AKR1C2: variants seen among roughly 807,000 people sequenced by gnomAD.
AKR1C2 encodes 3-alpha-HSD3.
In AKR1C2, 27 loss-of-function variants were observed where a neutral mutation model predicts 39.8. The ratio of observed to expected loss-of-function variants is 0.68; its 90% CI spans 0.50 to 0.93. AKR1C2 has a LOEUF of 0.93. Among genes scored for constraint, AKR1C2 ranks in the 40% least tolerant of loss-of-function variants. The pLI is 0.00. For missense variants in AKR1C2, 263 were observed against 365.1 expected, an observed-to-expected ratio of 0.72 and a Z score of 2.28; for synonymous variants, 114 against 137.9, an observed-to-expected ratio of 0.83 and a Z score of 1.22.
upstream of AKR1C2, chr10:5,003,938 T>A: frequency 2.5e-6 from 2 of 806,278 alleles, no homozygotes; most frequent in Non-Finnish European, 4.0e-6. Context: ...GGTTAACCAA[T>A]GGCATGTGAG....
At chr10:4,990,288 A>C (rs1414137019) in intron 8 of AKR1C2, among the ~76,000 whole-genome samples, 1 of 152,244 alleles carries the variant, frequency 6.6e-6, no homozygotes, top group African/African-American at 2.4e-5. Flanking sequence ...TGAAATGTTC[A>C]AACATGTTTC....
At chr10:5,004,037 T>A (rs1206804957), upstream of AKR1C2, 1 of 524,000 alleles carries the variant, frequency 1.9e-6, no homozygotes, top group Non-Finnish European at 3.4e-6. Flanking sequence ...ATAAGTAAAT[T>A]ATTATGTGGT....
rs181612116 is a variant in AKR1C2, at chr10:5,011,294, A to G, written c.-88+6606T>C. ...TTCTGTCTCCCACTGGTGGAGACTCAGAAGGCTGGGAGGCTGGGAAATTAT... is the reference window on the plus strand; with the variant it reads ...TTCTGTCTCCCACTGGTGGAGACTCGGAAGGCTGGGAGGCTGGGAAATTAT... On this transcript the variant is annotated intron_variant, in intron 1 of 6. Transcript: ENST00000604507. Among the ~76,000 whole-genome samples the G allele has an allele frequency of 5.3e-5, 8 of 152,332 alleles. No individual in the cohort carries two copies. The East Asian group carries it at 1.5e-3, about 29-fold the overall frequency.
upstream of AKR1C2, among the ~76,000 whole-genome samples, chr10:5,005,131 G>A (rs1472341840): frequency 6.6e-6 from 1 of 152,102 alleles, no homozygotes; most frequent in South Asian, 2.1e-4. Context: ...AGCTATTGAG[G>A]AGAAACTGGG....
chr10:5,001,727 G>C (rs1554773865), intron 1 of AKR1C2, 46 bp from the exon 2 acceptor site: 1 of 1,610,524 alleles, frequency 6.2e-7, no homozygotes, highest in Non-Finnish European at 8.5e-7. Flanking sequence ...ATGTGCCTGA[G>C]AGTTAGTTCG....
At chr10:5,012,663 C>A (rs1554775014) in intron 1 of AKR1C2, among the ~76,000 whole-genome samples, 4 of 152,116 alleles carry the variant, frequency 2.6e-5, no homozygotes. Context: ...CTGACTTTAG[C>A]CTGTTGAACG....
chr10:4,993,285 C>G (rs1258449183), intron 7 of AKR1C2, among the ~76,000 whole-genome samples: 1 of 152,104 alleles, frequency 6.6e-6, no homozygotes, highest in South Asian at 2.1e-4. Flanking sequence ...AACATTATAG[C>G]ACAGAAAAGT....
At position 5,000,573 on chromosome 10, in the gene AKR1C2, T is replaced by C; in HGVS notation, c.346A>G (p.Ile116Val). 6.2e-7 allele frequency: 1 copy of C among 1,613,996 alleles called. No homozygotes were observed. Among genetic ancestry groups the C allele is most frequent in the Non-Finnish European group, 8.5e-7 (1 of 1,179,914 alleles). ...LQLDYVDLYL[I>V]HFPVSVKPGE... ...ACCTTTACAGACACTGGAAAATGAA[T>C]AAGATAGAGGTCAACATAGTCCAAT... is the stretch of plus-strand genomic sequence containing the variant. Residue 116 changes from isoleucine to valine, a missense_variant, in exon 3 of 9, where the codon ATT becomes GTT. Around this residue, in one of 3 missense-constraint regions of AKR1C2, gnomAD observed 247 missense variants for 267.9 expected, o/e 0.92. Coordinates refer to ENST00000380753, the MANE Select transcript of AKR1C2 (RefSeq NM_001393392.1).
rs556361177 is a variant in AKR1C2 at position 5,009,490 on chromosome 10, A to G, written c.-87-5568T>C. Among the ~76,000 whole-genome samples, 36 of 152,060 alleles carry G rather than the reference A, an allele frequency of 2.4e-4. 1 individual carries two copies. The South Asian group carries it at 6.7e-3, about 28-fold the overall frequency. ...AGGTTGTAAAGAGAAAAGTATTAAT[A>G]TTATAGTTGTTTTGGTTAGCATAAA... On this transcript the variant is annotated intron_variant, in intron 1 of 6. Transcript: ENST00000604507.
chr10:5,012,185 C>G (rs1837537511), intron 1 of AKR1C2, among the ~76,000 whole-genome samples: 1 of 151,670 alleles, frequency 6.6e-6, no homozygotes, highest in African/African-American at 2.4e-5. Flanking sequence ...TTTTCAGGAC[C>G]TAGTGGCTAG....
At chr10:5,012,721 T>A (rs1269096398) in intron 1 of AKR1C2, among the ~76,000 whole-genome samples, 2 of 152,212 alleles carry the variant, frequency 1.3e-5, no homozygotes, top group African/African-American at 4.8e-5. Context: ...TTAATTATGG[T>A]GCTTCAGGCC....
rs1323013231 is a variant in AKR1C2, at chr10:4,988,880, A to G, written c.*1116T>C. Reference sequence around the variant, plus strand: ...ATGTATAAGAATTAAATGCCTTTGTAAGAGTTCTTCTTAAAATTTACCAAA... The same window carrying G: ...ATGTATAAGAATTAAATGCCTTTGTGAGAGTTCTTCTTAAAATTTACCAAA... On this transcript the variant is annotated 3_prime_UTR_variant, in exon 9 of 9. Coordinates refer to ENST00000380753, the MANE Select transcript of AKR1C2 (RefSeq NM_001393392.1). 6.6e-6 allele frequency: 1 copy of G among 152,048 alleles called. No homozygotes were observed. The highest frequency in any genetic ancestry group is 2.4e-5 in the African/African-American group (1 of 41,376). The allele number at this position is 152,048 out of a possible 1,614,324, so 9.4% of individuals were successfully genotyped here. A position where few individuals can be genotyped will look rare whatever the true frequency, so the allele number is the denominator to read the frequency against.
upstream of AKR1C2, among the ~76,000 whole-genome samples, chr10:5,004,257 TTCTC>T (rs1373783648): frequency 6.6e-6 from 1 of 152,222 alleles, no homozygotes; most frequent in Non-Finnish European, 1.5e-5. Flanking sequence ...ATTTTCATTT[TTCTC>T]TCTCTCACAC....
intron 1 of AKR1C2, chr10:5,015,081 C>T (rs1251295322): frequency 6.6e-6 from 1 of 152,198 alleles, no homozygotes; most frequent in Admixed American, 6.5e-5. Context: ...AGTCTCCACC[C>T]TGGAGGGCTG....
intron 1 of AKR1C2, among the ~76,000 whole-genome samples, chr10:5,016,265 T>G (rs1363944473): frequency 1.3e-5 from 2 of 152,184 alleles, no homozygotes; most frequent in Non-Finnish European, 2.9e-5. Context: ...TTCTAAAGTC[T>G]CATCTGAGAC....
chr10:5,001,560 A>G lies in AKR1C2; in HGVS notation c.206T>C (p.Ile69Thr), dbSNP rs199757254. 1.9e-5 allele frequency: 31 copies of G among 1,613,914 alleles called. No homozygotes were observed. Among genetic ancestry groups the G allele is most frequent in the African/African-American group, 1.7e-4 (13 of 74,914 alleles). ...EQVGLAIRSKIADGSVKREDI... is the reference protein window; with the variant it reads ...EQVGLAIRSKTADGSVKREDI... Reference sequence around the variant, plus strand: ...TTCTCTCTTCACACTGCCATCTGCAATCTTGCTTCGGATGGCCAGTCCAAC... The same window carrying G: ...TTCTCTCTTCACACTGCCATCTGCAGTCTTGCTTCGGATGGCCAGTCCAAC... The change falls in exon 2 of 9, where the codon ATT becomes ACT. Residue 69 changes from isoleucine to threonine, a missense_variant. This residue lies in a region of AKR1C2 where 247 missense variants were observed against 267.9 expected (regional missense o/e 0.92). Transcript: ENST00000380753.
intron 1 of AKR1C2, among the ~76,000 whole-genome samples, chr10:5,014,204 T>G (rs1195391470): frequency 1.5e-5 from 2 of 130,230 alleles, no homozygotes; most frequent in African/African-American, 5.9e-5. Context: ...ATGTTTTAGT[T>G]TCTGCTTTTA....
chr10:5,013,221 A>T (rs1421187890), intron 1 of AKR1C2: 2 of 152,224 alleles, frequency 1.3e-5, no homozygotes, highest in Non-Finnish European at 2.9e-5. Context: ...AAAATAAAAA[A>T]GTTTTGGAGA....
Position 4,988,173 on chromosome 10 carries a change from G to A in AKR1C2, c.*1823C>T, listed in dbSNP as rs559285155. 3 of 152,244 alleles carry A rather than the reference G, an allele frequency of 2.0e-5. No individual in the cohort carries two copies. Among genetic ancestry groups the A allele is most frequent in the East Asian group, 3.9e-4 (2 of 5,184 alleles). The allele number at this position is 152,244 out of a possible 1,614,324, so 9.4% of individuals were successfully genotyped here. ...TTGAAATATGAAAGTCTGCTTAAGC[G>A]TTACACACTTGGCTACGAAGTTTTA... is the stretch of plus-strand genomic sequence containing the variant. On this transcript the variant is annotated 3_prime_UTR_variant, in exon 9 of 9. Transcript: ENST00000380753.
Sources: gnomAD v4.1 joint callset for allele counts (sites outside exome capture counted in the v4.1 genomes callset) on GRCh38, gnomAD v4.1.1 for gene constraint, gnomAD v4.1.1 regional missense constraint, MANE v1.5 for transcripts, NCBI Gene and HGNC (gene_info 2026-07-23, HGNC 2026-07-21) for gene names.